Variants in TRPM3 observed in about 807,000 individuals in gnomAD.
TRPM3 encodes transient receptor potential cation channel subfamily M member 3, also known as long transient receptor potential channel 3.
A neutral mutation model predicts 181.2 loss-of-function variants in TRPM3; 77 were observed. That is an observed-to-expected ratio of 0.42 (90% CI 0.35 to 0.51). The LOEUF (loss-of-function observed/expected upper bound fraction) is 0.51, where lower values mean the gene tolerates loss of function less well. TRPM3 is among the 20% of genes least tolerant of loss of function. The probability of loss-of-function intolerance (pLI) is 0.01; values close to 1 mark genes in which losing one functional copy is unlikely to be tolerated. For synonymous variants in TRPM3, 745 were observed against 796.4 expected (o/e 0.94, Z 1.09); for missense variants, 1,759 against 2,196.7 (o/e 0.80, Z 3.98).
At chr9:71,442,733 T>C (rs1331041182) in intron 1 of TRPM3, among the ~76,000 whole-genome samples, 7 of 152,218 alleles carry the variant, frequency 4.6e-5, no homozygotes, top group Non-Finnish European at 7.3e-5. Flanking sequence ...CTTTATATTC[T>C]GATTAAAAAA....
intron 11 of TRPM3, among the ~76,000 whole-genome samples, chr9:70,635,462 A>ATTTTTTTTTTTTTTTT (rs71505401): frequency 8.8e-6 from 1 of 113,130 alleles, no homozygotes. Context: ...TTTGTCAGTG[A>ATTTTTTTTTTTTTTTT]TTTTTTTTTT....
chr9:71,253,800 C>T (rs2082500598), intron 1 of TRPM3, among the ~76,000 whole-genome samples: 1 of 152,050 alleles, frequency 6.6e-6, no homozygotes, highest in South Asian at 2.1e-4. Context: ...TGGAATCTGC[C>T]TAAGTGTCTA....
At chr9:71,410,586 T>C (rs1449438032) in intron 1 of TRPM3, among the ~76,000 whole-genome samples, 1 of 152,062 alleles carries the variant, frequency 6.6e-6, no homozygotes. Flanking sequence ...AATAGACTAG[T>C]AACAGGCTCT....
intron 1 of TRPM3, among the ~76,000 whole-genome samples, chr9:71,270,177 C>T (rs2083683896): frequency 6.6e-6 from 1 of 152,152 alleles, no homozygotes; most frequent in South Asian, 2.1e-4. Flanking sequence ...TGGGGAAACC[C>T]CGTCTCTACT....
At chr9:71,272,276 A>G (rs185735726) in intron 1 of TRPM3, among the ~76,000 whole-genome samples, 112 of 152,326 alleles carry the variant, frequency 7.4e-4, no homozygotes, top group African/African-American at 2.6e-3. Flanking sequence ...AGGTGACTGT[A>G]ATTGCACATA....
At chr9:71,332,290 AT>A (rs2090249420) in intron 1 of TRPM3, among the ~76,000 whole-genome samples, 1 of 151,646 alleles carries the variant, frequency 6.6e-6, no homozygotes, top group African/African-American at 2.4e-5. Flanking sequence ...TTGACTAGAA[AT>A]AATGCTTTTT....
chr9:71,059,267 T>C (rs1393417682), intron 1 of TRPM3, among the ~76,000 whole-genome samples: 1 of 151,964 alleles, frequency 6.6e-6, no homozygotes, highest in Non-Finnish European at 1.5e-5. Flanking sequence ...CTGCCTGAAC[T>C]TCTCTAGGAG....
chr9:70,697,070 G>A (rs7031754), intron 8 of TRPM3, among the ~76,000 whole-genome samples: 75,164 of 151,930 alleles, frequency 0.49, 19,837 homozygotes, highest in Non-Finnish European at 0.58. Context: ...GCAAAGCAGC[G>A]TCCTTTGTCT....
chr9:70,652,739 A>T (rs1466207336), intron 9 of TRPM3, among the ~76,000 whole-genome samples: 1 of 152,220 alleles, frequency 6.6e-6, no homozygotes, highest in Non-Finnish European at 1.5e-5. Flanking sequence ...AATAGTTGCC[A>T]GAAGAAGTGG....
intron 22 of TRPM3, among the ~76,000 whole-genome samples, chr9:70,559,577 A>T (rs1450652268): frequency 6.6e-6 from 1 of 152,178 alleles, no homozygotes; most frequent in Non-Finnish European, 1.5e-5. Context: ...GTTGCCAATT[A>T]ATCTTGATGT....
In TRPM3 at chr9:71,069,573, G is replaced by GA. The variant is rs544573909; in HGVS notation, c.177+51604dup. 2.4e-4 allele frequency among the ~76,000 whole-genome samples: 36 copies of GA among 151,858 alleles called. No individual in the cohort carries two copies. In the East Asian group the frequency reaches 6.0e-3, roughly 25 times the overall value. ...TGACGGGGATAGATAGGACAGGTAGGAATAGGAGGGCCTGTATGCCAAAAT... is the reference window on the plus strand; with the variant it reads ...TGACGGGGATAGATAGGACAGGTAGGAAATAGGAGGGCCTGTATGCCAAAAT... On this transcript the variant is annotated intron_variant, in intron 1 of 25. Coordinates refer to ENST00000677713, the MANE Select transcript of TRPM3 (RefSeq NM_001366145.2).
At position 70,998,875 on chromosome 9, in the gene TRPM3, C is replaced by T. The variant is rs540524055; in HGVS notation, c.177+122303G>A. On this transcript the variant is annotated intron_variant, in intron 1 of 25. Coordinates refer to ENST00000677713, the MANE Select transcript of TRPM3 (RefSeq NM_001366145.2). ...TCTTTATGTCCTCTTTAAACTTTTA[C>T]TTTCTCCTCTCTTATCCCCTGCTCA... is the stretch of plus-strand genomic sequence containing the variant. 9.9e-5 allele frequency among the ~76,000 whole-genome samples: 15 copies of T among 152,264 alleles called. No individual in the cohort carries two copies. The South Asian group carries it at 2.7e-3, about 27-fold the overall frequency.
chr9:70,542,840 G>A (rs1199763846), intron 25 of TRPM3, among the ~76,000 whole-genome samples: 1 of 152,170 alleles, frequency 6.6e-6, no homozygotes, highest in East Asian at 1.9e-4. Context: ...GGGTAAACAG[G>A]TTTCAAATCA....
chr9:71,012,596 C>A (rs987498507), intron 1 of TRPM3, among the ~76,000 whole-genome samples: 1 of 151,914 alleles, frequency 6.6e-6, no homozygotes, highest in African/African-American at 2.4e-5. Context: ...TTGCTCACCT[C>A]TATTTTTGTG....
At chr9:71,034,874 C>T (rs1377234270) in intron 1 of TRPM3, among the ~76,000 whole-genome samples, 1 of 151,682 alleles carries the variant, frequency 6.6e-6, no homozygotes, top group Non-Finnish European at 1.5e-5. Flanking sequence ...TATATGTATA[C>T]ATTCTAGAAA....
At chr9:71,166,904 A>C (rs1270980941) in intron 1 of TRPM3, among the ~76,000 whole-genome samples, 1 of 152,322 alleles carries the variant, frequency 6.6e-6, no homozygotes, top group Admixed American at 6.5e-5. Flanking sequence ...AGAATCATTC[A>C]CTTGTAATTA....
intron 1 of TRPM3, among the ~76,000 whole-genome samples, chr9:71,149,184 T>C (rs547422301): frequency 9.9e-5 from 15 of 152,188 alleles, no homozygotes; most frequent in Admixed American, 9.2e-4. Context: ...AAGATCACCG[T>C]AGCCCAGGAG....
intron 22 of TRPM3, among the ~76,000 whole-genome samples, chr9:70,585,328 T>C (rs2056889052): frequency 6.6e-6 from 1 of 152,170 alleles, no homozygotes; most frequent in African/African-American, 2.4e-5. Context: ...TCTGGCCTTC[T>C]CTTCTCTTTC....
At chr9:70,697,145 A>C (rs1168006305) in intron 8 of TRPM3, among the ~76,000 whole-genome samples, 1 of 152,220 alleles carries the variant, frequency 6.6e-6, no homozygotes, top group African/African-American at 2.4e-5. Context: ...CCTGCAAACC[A>C]GCTTGACAAA....
Sources: gnomAD v4.1 joint callset for allele counts (sites outside exome capture counted in the v4.1 genomes callset) on GRCh38, gnomAD v4.1.1 for gene constraint, MANE v1.5 for transcripts, NCBI Gene and HGNC (gene_info 2026-07-23, HGNC 2026-07-21) for gene names.